PDE8B: variants seen among roughly 807,000 people sequenced by gnomAD.
The protein encoded by PDE8B is high affinity cAMP-specific and IBMX-insensitive 3',5'-cyclic phosphodiesterase 8B.
A neutral mutation model predicts 101.3 loss-of-function variants in PDE8B; 26 were observed. That is an observed-to-expected ratio of 0.26 (90% CI 0.19 to 0.36). PDE8B has a LOEUF of 0.36. PDE8B is among the 10% of genes least tolerant of loss of function. PDE8B has a pLI of 1.00. For synonymous variants in PDE8B, 424 were observed against 429.3 expected (o/e 0.99, Z 0.15); for missense variants, 810 against 1,163.1 (o/e 0.70, Z 4.42).
chr5:77,307,250 C>G (rs1771432556), intron 1 of PDE8B, among the ~76,000 whole-genome samples: 1 of 152,114 alleles, frequency 6.6e-6, no homozygotes, highest in African/African-American at 2.4e-5. Context: ...CCTAGAATCT[C>G]CTTCCCCAAC....
At chr5:77,421,122 C>CA (rs1203255526) in intron 19 of PDE8B, among the ~76,000 whole-genome samples, 1 of 152,214 alleles carries the variant, frequency 6.6e-6, no homozygotes, top group Non-Finnish European at 1.5e-5. Flanking sequence ...ACACTGACAT[C>CA]ACCACTAGGT....
At chr5:77,292,054 C>A (rs769623751) in intron 1 of PDE8B, among the ~76,000 whole-genome samples, 1 of 150,720 alleles carries the variant, frequency 6.6e-6, no homozygotes, top group African/African-American at 2.4e-5. Flanking sequence ...AGTTCTCCAG[C>A]AGCCTACATA....
chr5:77,289,013 C>T lies in PDE8B; in HGVS notation c.340-22981C>T, dbSNP rs576416454. On this transcript the variant is annotated intron_variant, in intron 1 of 21. Coordinates refer to ENST00000264917, the MANE Select transcript of PDE8B (RefSeq NM_003719.5). ...GTGTCACCTGTTACCTTCTTTTTTC[C>T]CCTCTTTCTTCGCTTCTCTTTTTAT... Among the ~76,000 whole-genome samples, 13 of 152,072 alleles carry T rather than the reference C, an allele frequency of 8.5e-5. No individual in the cohort carries two copies. The South Asian group carries it at 2.5e-3, about 29-fold the overall frequency.
rs545747837 is a variant in PDE8B at position 77,231,111 on chromosome 5, T to C, written c.339+19847T>C. On this transcript the variant is annotated intron_variant, in intron 1 of 21. Transcript: ENST00000264917. ...GGAGTCATGCAGTGTGTGTTGGTAC[T>C]TGATATTTGTTTTGGTAGTTTGGAA... Among the ~76,000 whole-genome samples the C allele has an allele frequency of 2.0e-5, 3 of 152,372 alleles. No homozygotes were observed. In the East Asian group the frequency reaches 5.8e-4, roughly 29 times the overall value.
chr5:77,382,026 T>C (rs1445616653), intron 10 of PDE8B, among the ~76,000 whole-genome samples: 1 of 152,204 alleles, frequency 6.6e-6, no homozygotes, highest in East Asian at 1.9e-4. Context: ...TTTATTTTCA[T>C]AGGTTTTGAA....
At chr5:77,366,873 GCC>G (rs569754137) in intron 10 of PDE8B, among the ~76,000 whole-genome samples, 2 of 152,082 alleles carry the variant, frequency 1.3e-5, no homozygotes, top group African/African-American at 2.4e-5. Context: ...CTGGATGGCA[GCC>G]CCCCGGTGGC....
the PDE8B span, among the ~76,000 whole-genome samples, chr5:77,179,474 A>C: frequency 6.6e-6 from 1 of 152,196 alleles, no homozygotes; most frequent in Non-Finnish European, 1.5e-5. Flanking sequence ...CAGGCATGGT[A>C]ATAGCTGCAA....
rs1756043267 is a variant in PDE8B, at chr5:77,242,813, C to A, written c.339+31549C>A. ...CAGCCTGTAGCTGCGACTACAGGCACCCACGACCTCGCCTGGCTAATTTTT... is the reference window on the plus strand; with the variant it reads ...CAGCCTGTAGCTGCGACTACAGGCAACCACGACCTCGCCTGGCTAATTTTT... On this transcript the variant is annotated intron_variant, in intron 1 of 21. Coordinates refer to ENST00000264917, the MANE Select transcript of PDE8B (RefSeq NM_003719.5). Among the ~76,000 whole-genome samples the A allele has an allele frequency of 5.9e-5, 9 of 152,172 alleles. No homozygotes were observed. The South Asian group carries it at 1.9e-3, about 32-fold the overall frequency.
At chr5:77,347,413 T>C (rs779952006) in intron 7 of PDE8B, among the ~76,000 whole-genome samples, 6 of 152,132 alleles carry the variant, frequency 3.9e-5, no homozygotes, top group Non-Finnish European at 8.8e-5. Flanking sequence ...GGAACCCTGG[T>C]GTGAAAGAAG....
chr5:77,144,179 C>T, the PDE8B span: 1 of 152,314 alleles, frequency 6.6e-6, no homozygotes, highest in Non-Finnish European at 1.5e-5. Flanking sequence ...AGGACCACAT[C>T]TCAGGCACTG....
Position 77,344,943 on chromosome 5 carries a change from A to G in PDE8B, c.876+12A>G. ...ACCACGTGATTCAGGTATGGAAAGAAACCACCTCTATCATTAACATTCAAA... is the reference window on the plus strand; with the variant it reads ...ACCACGTGATTCAGGTATGGAAAGAGACCACCTCTATCATTAACATTCAAA... On this transcript the variant is annotated intron_variant, in intron 7 of 21. Coordinates refer to ENST00000264917, the MANE Select transcript of PDE8B (RefSeq NM_003719.5). The G allele has an allele frequency of 6.4e-7, 1 of 1,552,926 alleles. No individual in the cohort carries two copies. Among genetic ancestry groups the G allele is most frequent in the Non-Finnish European group, 8.9e-7 (1 of 1,124,246 alleles).
At chr5:77,332,667 G>A (rs997742073) in intron 5 of PDE8B, among the ~76,000 whole-genome samples, 21 of 152,160 alleles carry the variant, frequency 1.4e-4, no homozygotes, top group African/African-American at 5.1e-4. Flanking sequence ...GAGAAACCCT[G>A]CCCCTACTAA....
the PDE8B span, among the ~76,000 whole-genome samples, chr5:77,156,055 G>A: frequency 9.9e-5 from 15 of 152,154 alleles, no homozygotes; most frequent in Non-Finnish European, 1.2e-4. Flanking sequence ...TATGCAATTT[G>A]GGGGGCAGCT....
intron 1 of PDE8B, among the ~76,000 whole-genome samples, chr5:77,308,199 T>G (rs1306731539): frequency 2.0e-5 from 3 of 152,158 alleles, no homozygotes; most frequent in Admixed American, 6.5e-5. Context: ...CCAGTGTTCT[T>G]TTGGGACAGT....
the PDE8B span, among the ~76,000 whole-genome samples, chr5:77,124,025 C>T: frequency 3.3e-5 from 5 of 152,106 alleles, no homozygotes; most frequent in African/African-American, 4.8e-5. Context: ...CTCTAGAACA[C>T]GCTAAAAGAG....
chr5:77,248,247 C>A (rs935607661), intron 1 of PDE8B, among the ~76,000 whole-genome samples: 16 of 152,144 alleles, frequency 1.1e-4, no homozygotes, highest in African/African-American at 3.9e-4. Context: ...CTGTTGGAAC[C>A]CAAGGGCCAA....
the PDE8B span, among the ~76,000 whole-genome samples, chr5:77,101,257 C>T: frequency 8.6e-5 from 13 of 151,836 alleles, no homozygotes; most frequent in African/African-American, 2.2e-4. Flanking sequence ...AGGAGTGAGC[C>T]GCTGCACCAG....
chr5:77,125,517 G>A, the PDE8B span, among the ~76,000 whole-genome samples: 5 of 152,142 alleles, frequency 3.3e-5, no homozygotes, highest in African/African-American at 1.2e-4. Context: ...GTACACCAAC[G>A]TCCACGGAAG....
intron 14 of PDE8B, 121 bp from the exon 15 acceptor site, chr5:77,411,555 C>T: frequency 1.3e-6 from 1 of 778,180 alleles, no homozygotes; most frequent in Non-Finnish European, 2.2e-6. Flanking sequence ...TTTGCTTCAA[C>T]TTAGACTTCC....
Sources: allele counts gnomAD v4.1 joint callset (sites outside exome capture counted in the v4.1 genomes callset), GRCh38; gene constraint gnomAD v4.1.1; transcripts MANE v1.5; gene names NCBI Gene and HGNC (gene_info 2026-07-23, HGNC 2026-07-21).